Variants in NHSL2 observed in about 807,000 individuals in gnomAD.
NHSL2 encodes NHS like 2.
A neutral mutation model predicts 53.4 loss-of-function variants in NHSL2; 27 were observed. The observed-to-expected ratio is 0.51, with a 90% CI of 0.37 to 0.70. The LOEUF is 0.70. NHSL2 is among the 30% of genes least tolerant of loss of function. The pLI is 0.00. For synonymous variants in NHSL2, 408 were observed against 404.1 expected, an observed-to-expected ratio of 1.01 and a Z score of -0.12; for missense variants, 892 against 980.1, an observed-to-expected ratio of 0.91 and a Z score of 1.20.
intron 1 of NHSL2, among the ~76,000 whole-genome samples, chrX:72,093,713 GCTTGCTTGCTTTCTTTCTTTCTTT>G (rs1447197913): frequency 7.9e-5 from 4 of 50,891 alleles, no homozygotes; most frequent in African/African-American, 1.9e-4. Context: ...CCCTAGTATA[GCTTGCTTGCTTTCTTTCTTTCTTT>G]CTTTCTTTCT....
intron 1 of NHSL2, among the ~76,000 whole-genome samples, chrX:71,951,040 A>ACACACG (rs35096488): frequency 9.1e-6 from 1 of 109,915 alleles, no homozygotes; most frequent in Admixed American, 9.7e-5. Context: ...ACACACACAC[A>ACACACG]AATACCTGGC....
At chrX:71,934,488 G>A (rs927814925) in intron 1 of NHSL2, among the ~76,000 whole-genome samples, 4 of 112,511 alleles carry the variant, frequency 3.6e-5, no homozygotes, top group Non-Finnish European at 7.5e-5. Flanking sequence ...TGGGAGGGAT[G>A]TGTTCTTCTT....
chrX:72,120,172 G>A (rs750820074), intron 1 of NHSL2, among the ~76,000 whole-genome samples: 7 of 112,043 alleles, frequency 6.2e-5, no homozygotes, highest in East Asian at 2.8e-4. Flanking sequence ...TAGTTTTTTC[G>A]TGATGTTTTT....
chrX:72,021,815 G>T (rs985955735), intron 1 of NHSL2, among the ~76,000 whole-genome samples: 31 of 111,449 alleles, frequency 2.8e-4, no homozygotes, highest in African/African-American at 8.8e-4. Context: ...CTTGCCTATA[G>T]AATTGAAACT....
chrX:71,915,801 C>A (rs1452587103), intron 1 of NHSL2, among the ~76,000 whole-genome samples: 7 of 111,370 alleles, frequency 6.3e-5, no homozygotes, highest in Non-Finnish European at 1.1e-4. Flanking sequence ...AGTTCAAAGT[C>A]AGTTGTTCTT....
chrX:72,136,955 G>A (rs1267877396), intron 4 of NHSL2, 139 bp from the exon 5 acceptor site: 1 of 519,052 alleles, frequency 1.9e-6, no homozygotes, highest in Non-Finnish European at 3.1e-6. Flanking sequence ...AAGTTGGGAA[G>A]GATGAGGAAG....
chrX:72,045,772 G>A (rs2042302241), intron 1 of NHSL2, among the ~76,000 whole-genome samples: 1 of 112,069 alleles, frequency 8.9e-6, no homozygotes, highest in African/African-American at 3.2e-5. Context: ...GCTTTAAGAT[G>A]ACCATGTGTG....
chrX:72,051,591 T>A (rs1332568049), intron 1 of NHSL2, among the ~76,000 whole-genome samples: 1 of 111,234 alleles, frequency 9.0e-6, no homozygotes, highest in Non-Finnish European at 1.9e-5. Context: ...TTGCTTCTCC[T>A]ACCTCACTGC....
intron 1 of NHSL2, among the ~76,000 whole-genome samples, chrX:72,031,262 C>T (rs1016107257): frequency 2.7e-5 from 3 of 110,815 alleles, no homozygotes; most frequent in Middle Eastern, 4.2e-3. Context: ...GTCTTGGGGC[C>T]GAGGAAAAGA....
intron 1 of NHSL2, among the ~76,000 whole-genome samples, chrX:71,948,011 C>G (rs2041801248): frequency 9.1e-6 from 1 of 110,284 alleles, no homozygotes; most frequent in South Asian, 3.8e-4. Context: ...TTCATATAAC[C>G]AAACACCACC....
At chrX:71,989,206 G>C (rs1032255285) in intron 1 of NHSL2, among the ~76,000 whole-genome samples, 11 of 109,638 alleles carry the variant, frequency 1.0e-4, no homozygotes, top group African/African-American at 3.7e-4. Context: ...AAAATTAGCC[G>C]GGCGTGGTGG....
chrX:72,068,925 C>T (rs943257361), intron 1 of NHSL2, among the ~76,000 whole-genome samples: 6 of 112,339 alleles, frequency 5.3e-5, no homozygotes, highest in African/African-American at 1.9e-4. Context: ...TGTGCTAGCT[C>T]CAAGTCTGCA....
chrX:72,077,418 G>C (rs1352909128), intron 1 of NHSL2, among the ~76,000 whole-genome samples: 1 of 111,061 alleles, frequency 9.0e-6, no homozygotes, highest in Non-Finnish European at 1.9e-5. Context: ...CTCAGAGCCA[G>C]AGGTCACACT....
At chrX:72,131,878 G>C (rs1408904632) in intron 1 of NHSL2, 69 of 340,253 alleles carry the variant, frequency 2.0e-4, no homozygotes, top group African/African-American at 1.8e-3. Flanking sequence ...AGGGGCGAGC[G>C]GAGCGGGAGG....
intron 1 of NHSL2, among the ~76,000 whole-genome samples, chrX:72,018,054 G>C (rs781185425): frequency 8.0e-5 from 9 of 111,911 alleles, no homozygotes; most frequent in African/African-American, 2.3e-4. Flanking sequence ...CATATTTACA[G>C]AATCAAGCCC....
intron 1 of NHSL2, among the ~76,000 whole-genome samples, chrX:71,964,436 G>C: frequency 9.0e-6 from 1 of 110,533 alleles, no homozygotes; most frequent in East Asian, 2.9e-4. Context: ...GTGTATATGT[G>C]CCACATTTTC....
intron 1 of NHSL2, among the ~76,000 whole-genome samples, chrX:71,935,159 C>G (rs2041731900): frequency 8.9e-6 from 1 of 111,954 alleles, no homozygotes; most frequent in Non-Finnish European, 1.9e-5. Context: ...TTCAGGGTCT[C>G]TTACATGGTC....
intron 1 of NHSL2, among the ~76,000 whole-genome samples, chrX:71,918,295 A>G (rs770837543): frequency 2.8e-5 from 3 of 107,966 alleles, no homozygotes; most frequent in East Asian, 2.9e-4. Context: ...TTTTATTATT[A>G]TTTTTCTTTC....
rs927359505 is a variant in NHSL2, at chrX:72,149,886, G to A, written c.*6312G>A. The A allele has an allele frequency of 7.1e-5, 8 of 112,343 alleles. No individual in the cohort carries two copies. Among genetic ancestry groups the A allele is most frequent in the Admixed American group, 2.8e-4 (3 of 10,602 alleles). 9.3% of individuals were successfully genotyped at this position (112,343 alleles called of 1,213,427 possible). ...TCACACATGAGGAAGCTGAGGCCCA[G>A]AAAGGTCAAATAACTTATATACAAG... On this transcript the variant is annotated 3_prime_UTR_variant, in exon 8 of 8. Coordinates refer to ENST00000633930, the MANE Select transcript of NHSL2 (RefSeq NM_001013627.3).
Sources: allele counts gnomAD v4.1 joint callset (sites outside exome capture counted in the v4.1 genomes callset), GRCh38; gene constraint gnomAD v4.1.1; transcripts MANE v1.5; gene names NCBI Gene and HGNC (gene_info 2026-07-23, HGNC 2026-07-21).